The following FBXO33 variants were observed in gnomAD, a reference collection of about 807,000 sequenced individuals.
FBXO33 encodes F-box protein 33.
A neutral mutation model predicts 46.3 loss-of-function variants in FBXO33; 22 were observed. That is an observed-to-expected ratio of 0.48 (90% CI 0.34 to 0.68). The LOEUF (loss-of-function observed/expected upper bound fraction) is 0.68. Ranked by LOEUF, FBXO33 falls within the 30% of genes least tolerant of loss-of-function variation. The probability of loss-of-function intolerance (pLI) is 0.01; values close to 1 mark genes in which losing one functional copy is unlikely to be tolerated. For synonymous variants in FBXO33, 337 were observed against 291.3 expected, an observed-to-expected ratio of 1.16 and a Z score of -1.60; for missense variants, 692 against 708.8, an observed-to-expected ratio of 0.98 and a Z score of 0.27.
At chr14:39,424,489 C>T (rs2075501284) in intron 1 of FBXO33, among the ~76,000 whole-genome samples, 1 of 150,878 alleles carries the variant, frequency 6.6e-6, no homozygotes, top group Non-Finnish European at 1.5e-5. Context: ...GTGTATTTAC[C>T]TTAGTTTATA....
chr14:39,431,582 A>T lies in FBXO33; in HGVS notation c.581T>A (p.Val194Asp). 6.2e-7 allele frequency: 1 copy of T among 1,612,856 alleles called. No individual in the cohort carries two copies. The highest frequency in any genetic ancestry group is 1.7e-5 in the Admixed American group (1 of 60,026). The change falls in exon 1 of 4, where the codon GTC (valine) becomes GAC (aspartate). Residue 194 changes from valine (V) to aspartate (D), a missense_variant. Transcript: ENST00000298097. Reference protein sequence around the residue: ...TYLELVLCVLVSIRNNRNLQK... With the variant: ...TYLELVLCVLDSIRNNRNLQK... ...AGCCTACCTGTTGTTCCGGATGCTG[A>T]CCAGCACGCAAAGCACCAGCTCCAA...
At chr14:39,426,138 T>A (rs898118342) in intron 1 of FBXO33, among the ~76,000 whole-genome samples, 6 of 151,962 alleles carry the variant, frequency 3.9e-5, no homozygotes, top group African/African-American at 1.4e-4. Context: ...TATTTATTTA[T>A]TTATTTTTTA....
chr14:39,412,933 T>C (rs972506176), intron 1 of FBXO33, among the ~76,000 whole-genome samples: 7 of 152,398 alleles, frequency 4.6e-5, no homozygotes, highest in African/African-American at 1.4e-4. Flanking sequence ...GTTGTAATCT[T>C]TGGCTGATAG....
intron 1 of FBXO33, among the ~76,000 whole-genome samples, chr14:39,416,411 C>T (rs931640149): frequency 3.3e-5 from 5 of 152,194 alleles, no homozygotes; most frequent in African/African-American, 7.2e-5. Context: ...ATTTCCCTCA[C>T]CAGATTTGGG....
intron 1 of FBXO33, among the ~76,000 whole-genome samples, chr14:39,416,039 TTCTC>T (rs1376206865): frequency 5.3e-5 from 8 of 152,234 alleles, no homozygotes; most frequent in African/African-American, 1.9e-4. Context: ...TACAATATTA[TTCTC>T]TATTTGTTTA....
intron 1 of FBXO33, among the ~76,000 whole-genome samples, chr14:39,413,211 T>C (rs916493960): frequency 2.0e-5 from 3 of 152,262 alleles, no homozygotes; most frequent in South Asian, 4.1e-4. Context: ...TCTGTTGTTA[T>C]AATTTCAACA....
intron 1 of FBXO33, among the ~76,000 whole-genome samples, chr14:39,411,134 C>T (rs2075420060): frequency 1.3e-5 from 2 of 151,726 alleles, no homozygotes; most frequent in Admixed American, 1.3e-4. Context: ...CTTGCACTGT[C>T]GCCAGGGCTG....
At chr14:39,404,149 C>T (rs913331351) in intron 1 of FBXO33, among the ~76,000 whole-genome samples, 2 of 152,020 alleles carry the variant, frequency 1.3e-5, no homozygotes, top group African/African-American at 2.4e-5. Context: ...ATCATTAATT[C>T]GTTTATTCAT....
At chr14:39,407,806 T>C (rs1205209662) in intron 1 of FBXO33, among the ~76,000 whole-genome samples, 2 of 152,364 alleles carry the variant, frequency 1.3e-5, no homozygotes, top group Non-Finnish European at 2.9e-5. Flanking sequence ...TTTGTATACA[T>C]ATCCAGAAAT....
chr14:39,398,168 T>G lies in FBXO33; in HGVS notation c.*1348A>C, dbSNP rs1254229690. On this transcript the variant is annotated 3_prime_UTR_variant, in exon 4 of 4. Transcript: ENST00000298097. ...TCTCAGCACTGCTGGGCACCCAGGT[T>G]GGCTACTTACTTTATTATTGCAGAC... 1 of 152,692 alleles carries G rather than the reference T, an allele frequency of 6.5e-6. No homozygotes were observed. The highest frequency in any genetic ancestry group is 1.5e-5 in the Non-Finnish European group (1 of 68,050). 9.5% of individuals were successfully genotyped at this position (152,692 alleles called of 1,614,324 possible).
intron 1 of FBXO33, among the ~76,000 whole-genome samples, chr14:39,425,149 T>C (rs916334952): frequency 6.6e-6 from 1 of 152,236 alleles, no homozygotes; most frequent in African/African-American, 2.4e-5. Context: ...TCACAATTTT[T>C]TATTGTCTTA....
rs2075372058 is a variant in FBXO33 at position 39,402,252 on chromosome 14, T to G, written c.710+149A>C. The G allele has an allele frequency of 8.7e-6, 4 of 457,778 alleles. No individual in the cohort carries two copies. The East Asian group carries it at 1.4e-4, about 16-fold the overall frequency. 28.4% of individuals were successfully genotyped at this position (457,778 alleles called of 1,614,324 possible). A position where few individuals can be genotyped will look rare whatever the true frequency, so the allele number is the denominator to read the frequency against. ...ATTTATGAGATGGAATGGCAGATGC[T>G]GATCACTGTATTTCACCATTAAAAC... is the stretch of plus-strand genomic sequence containing the variant. On this transcript the variant is annotated intron_variant, in intron 2 of 3. Transcript: ENST00000298097.
intron 1 of FBXO33, among the ~76,000 whole-genome samples, chr14:39,415,612 T>C (rs2075444363): frequency 6.6e-6 from 1 of 152,240 alleles, no homozygotes; most frequent in Non-Finnish European, 1.5e-5. Context: ...TTCTAATTTA[T>C]GTATTTTAAT....
chr14:39,411,646 C>T (rs920093167), intron 1 of FBXO33, among the ~76,000 whole-genome samples: 1 of 151,982 alleles, frequency 6.6e-6, no homozygotes, highest in Non-Finnish European at 1.5e-5. Flanking sequence ...CCTCAGCCTC[C>T]CGAGTAGCTG....
chr14:39,405,098 G>A lies in FBXO33; in HGVS notation c.600-2587C>T, dbSNP rs536431703. On this transcript the variant is annotated intron_variant, in intron 1 of 3. Coordinates refer to ENST00000298097, the MANE Select transcript of FBXO33 (RefSeq NM_203301.4). ...GGGAGATGGGAGGTTGCAGTGAGCCGAGATCACGCCATTGCGTGTGATTCT... is the reference window on the plus strand; with the variant it reads ...GGGAGATGGGAGGTTGCAGTGAGCCAAGATCACGCCATTGCGTGTGATTCT... Among the ~76,000 whole-genome samples the A allele has an allele frequency of 3.4e-5, 5 of 146,508 alleles. No individual in the cohort carries two copies. In the South Asian group the frequency reaches 6.4e-4, roughly 19 times the overall value.
At chr14:39,403,651 TAGG>T (rs1378706202) in intron 1 of FBXO33, among the ~76,000 whole-genome samples, 5 of 152,092 alleles carry the variant, frequency 3.3e-5, no homozygotes, top group Admixed American at 2.0e-4. Context: ...GTAAATAAAA[TAGG>T]AGAAAACTGG....
chr14:39,416,811 T>C (rs2075450674), intron 1 of FBXO33, among the ~76,000 whole-genome samples: 1 of 152,220 alleles, frequency 6.6e-6, no homozygotes, highest in Non-Finnish European at 1.5e-5. Context: ...TTAAATTCTT[T>C]GTAGGTAATT....
At chr14:39,402,343 CT>C in intron 2 of FBXO33, 57 bp downstream of exon 2, 1 of 974,140 alleles carries the variant, frequency 1.0e-6, no homozygotes, top group Non-Finnish European at 1.5e-6. Flanking sequence ...CTCATAATTT[CT>C]TAGGAAAAAC....
chr14:39,431,678 G>C lies in FBXO33; in HGVS notation c.485C>G (p.Thr162Ser), dbSNP rs777442021. 1.5e-5 allele frequency: 25 copies of C among 1,613,424 alleles called. No individual in the cohort carries two copies. The highest frequency in any genetic ancestry group is 2.1e-5 in the Non-Finnish European group (25 of 1,180,012). Residue 162 changes from threonine (T) to serine (S), a missense_variant, in exon 1 of 4, where the codon ACC becomes AGC. Transcript: ENST00000298097. ...GGPGDGGGADTGTGGEEVEAL... is the reference protein window; with the variant it reads ...GGPGDGGGADSGTGGEEVEAL... ...CTCGACTTCCTCCCCTCCAGTCCCG[G>C]TGTCCGCGCCACCTCCGTCCCCTGG... is the stretch of plus-strand genomic sequence containing the variant.
Sources: gnomAD v4.1 joint callset for allele counts (sites outside exome capture counted in the v4.1 genomes callset) on GRCh38, gnomAD v4.1.1 for gene constraint, MANE v1.5 for transcripts, NCBI Gene and HGNC (gene_info 2026-07-23, HGNC 2026-07-21) for gene names.